Variants in PCED1B observed in about 807,000 individuals in gnomAD.
PCED1B encodes PC-esterase domain containing 1B.
For synonymous variants in PCED1B, 251 were observed against 246.1 expected (o/e 1.02, Z -0.19); for missense variants, 573 against 573.9 (o/e 1.00, Z 0.02).
intron 2 of PCED1B, among the ~76,000 whole-genome samples, chr12:47,161,744 C>G (rs1198574891): frequency 1.3e-5 from 2 of 152,094 alleles, no homozygotes; most frequent in Non-Finnish European, 2.9e-5. Flanking sequence ...ACCATTTGAC[C>G]CAGCCATCCC....
intron 2 of PCED1B, among the ~76,000 whole-genome samples, chr12:47,139,663 G>A (rs1269628945): frequency 2.6e-5 from 4 of 152,132 alleles, no homozygotes; most frequent in Admixed American, 2.6e-4. Flanking sequence ...GGTATGGTAT[G>A]TGTAGTGCAT....
intron 2 of PCED1B, among the ~76,000 whole-genome samples, chr12:47,214,992 T>A (rs945950423): frequency 2.2e-4 from 33 of 152,096 alleles, no homozygotes; most frequent in African/African-American, 7.0e-4. Context: ...GTTGAAGCGA[T>A]TCTCCTGCCT....
intron 2 of PCED1B, among the ~76,000 whole-genome samples, chr12:47,177,819 T>C (rs61927718): frequency 0.042 from 6,428 of 152,068 alleles, 164 homozygotes; most frequent in Middle Eastern, 0.075. Flanking sequence ...CCCGGTATGG[T>C]GGCACACACC....
intron 2 of PCED1B, among the ~76,000 whole-genome samples, chr12:47,125,592 T>A (rs1429701862): frequency 6.6e-6 from 1 of 151,984 alleles, no homozygotes; most frequent in Non-Finnish European, 1.5e-5. Context: ...ATACATCAAT[T>A]TGAGGATAAT....
intron 2 of PCED1B, among the ~76,000 whole-genome samples, chr12:47,123,943 A>T (rs1939782109): frequency 6.6e-6 from 1 of 152,048 alleles, no homozygotes; most frequent in Non-Finnish European, 1.5e-5. Context: ...CTATTTTTAG[A>T]AATTTTGTTG....
At chr12:47,115,762 C>T (rs1939393322) in intron 2 of PCED1B, among the ~76,000 whole-genome samples, 1 of 152,102 alleles carries the variant, frequency 6.6e-6, no homozygotes, top group African/African-American at 2.4e-5. Flanking sequence ...ATTGGAGACA[C>T]CCTGTAAAAT....
chr12:47,137,153 G>T (rs1940407291), intron 2 of PCED1B, among the ~76,000 whole-genome samples: 1 of 152,128 alleles, frequency 6.6e-6, no homozygotes, highest in African/African-American at 2.4e-5. Flanking sequence ...GGTTGTGAAA[G>T]GTTCTGGTAC....
chr12:47,162,242 C>T (rs1481877468), intron 2 of PCED1B, among the ~76,000 whole-genome samples: 1 of 151,768 alleles, frequency 6.6e-6, no homozygotes, highest in East Asian at 1.9e-4. Context: ...GCACATGTAC[C>T]CTAAAACTTA....
At chr12:47,109,040 C>A (rs1939079943) in intron 2 of PCED1B, among the ~76,000 whole-genome samples, 1 of 152,216 alleles carries the variant, frequency 6.6e-6, no homozygotes, top group Non-Finnish European at 1.5e-5. Flanking sequence ...CTAAAATAAA[C>A]TTTCCAGTTG....
At chr12:47,115,317 G>A (rs202067490) in intron 2 of PCED1B, among the ~76,000 whole-genome samples, 5 of 152,106 alleles carry the variant, frequency 3.3e-5, no homozygotes, top group East Asian at 3.9e-4. Flanking sequence ...ATCTTCACTC[G>A]GTTCTCACTC....
At chr12:47,193,935 T>C (rs1291504616) in intron 2 of PCED1B, among the ~76,000 whole-genome samples, 1 of 152,170 alleles carries the variant, frequency 6.6e-6, no homozygotes, top group Non-Finnish European at 1.5e-5. Context: ...CCTGCCTTGC[T>C]CTTGCCCTCA....
chr12:47,155,365 T>A (rs1941158435), intron 2 of PCED1B, among the ~76,000 whole-genome samples: 1 of 152,178 alleles, frequency 6.6e-6, no homozygotes, highest in Non-Finnish European at 1.5e-5. Flanking sequence ...GTGAGAGACA[T>A]CCCAGTTTTA....
intron 2 of PCED1B, among the ~76,000 whole-genome samples, chr12:47,174,130 C>T (rs752338654): frequency 1.6e-4 from 25 of 152,008 alleles, no homozygotes; most frequent in Non-Finnish European, 3.2e-4. Flanking sequence ...AAAATATGGC[C>T]GGCTGAGGTG....
intron 2 of PCED1B, among the ~76,000 whole-genome samples, chr12:47,153,329 C>T (rs1212231437): frequency 7.2e-6 from 1 of 138,324 alleles, no homozygotes; most frequent in East Asian, 2.1e-4. Flanking sequence ...CAACTCCAGC[C>T]TGGGTGACAG....
At chr12:47,164,927 C>A (rs1941497205) in intron 2 of PCED1B, among the ~76,000 whole-genome samples, 1 of 152,164 alleles carries the variant, frequency 6.6e-6, no homozygotes, top group South Asian at 2.1e-4. Flanking sequence ...CCTGAGGAAA[C>A]CCTGGGCAGT....
intron 2 of PCED1B, among the ~76,000 whole-genome samples, chr12:47,154,359 C>A (rs1941116805): frequency 6.6e-6 from 1 of 152,058 alleles, no homozygotes; most frequent in South Asian, 2.1e-4. Context: ...CCTGAGGGAG[C>A]TGGGGTTTTG....
chr12:47,162,681 CT>C (rs1337972574), intron 2 of PCED1B, among the ~76,000 whole-genome samples: 1 of 152,108 alleles, frequency 6.6e-6, no homozygotes, highest in Non-Finnish European at 1.5e-5. Context: ...AGGCCAGACT[CT>C]TTTTAACAAG....
chr12:47,080,471 G>A (rs1333085908), intron 1 of PCED1B, among the ~76,000 whole-genome samples: 3 of 152,154 alleles, frequency 2.0e-5, no homozygotes, highest in Non-Finnish European at 4.4e-5. Context: ...GAAGCAGCCT[G>A]ACGTCTCCGC....
At chr12:47,087,846 T>C (rs1312394307) in intron 1 of PCED1B, among the ~76,000 whole-genome samples, 1 of 152,184 alleles carries the variant, frequency 6.6e-6, no homozygotes, top group Non-Finnish European at 1.5e-5. Flanking sequence ...CTATTGGTCA[T>C]CTTATCTGTG....
Sources: allele counts gnomAD v4.1 joint callset (sites outside exome capture counted in the v4.1 genomes callset), GRCh38; gene constraint gnomAD v4.1.1; transcripts MANE v1.5; gene names NCBI Gene and HGNC (gene_info 2026-07-23, HGNC 2026-07-21).